The following FAM53A variants were observed in gnomAD, a reference collection of about 807,000 sequenced individuals.
FAM53A encodes the protein family with sequence similarity 53 member A.
A neutral mutation model predicts 26.6 loss-of-function variants in FAM53A; 28 were observed. The observed-to-expected ratio is 1.05, with a 90% CI of 0.78 to 1.45. FAM53A has a LOEUF of 1.45. FAM53A is among the 40% of genes most tolerant of loss of function. The pLI is 0.00. For synonymous variants in FAM53A, 290 were observed against 253.1 expected, an observed-to-expected ratio of 1.15 and a Z score of -1.38; for missense variants, 650 against 575.8, an observed-to-expected ratio of 1.13 and a Z score of -1.32.
At chr4:1,619,331 G>A (rs1183265306) in intron 1 of FAM53A, among the ~76,000 whole-genome samples, 2 of 152,196 alleles carry the variant, frequency 1.3e-5, no homozygotes, top group African/African-American at 4.8e-5. Context: ...GGCGGCCAAC[G>A]ACCCGGCCTC....
the FAM53A span, among the ~76,000 whole-genome samples, chr4:1,579,467 G>A: frequency 6.8e-6 from 1 of 147,948 alleles, no homozygotes; most frequent in Non-Finnish European, 1.5e-5. Context: ...TCCCAGCCCC[G>A]CGTCCTGGGG....
chr4:1,644,258 A>G lies in FAM53A; in HGVS notation c.883-2651T>C, dbSNP rs1226573514. 3 of 1,535,924 alleles carry G rather than the reference A, an allele frequency of 2.0e-6. No homozygotes were observed. The Admixed American group carries it at 5.9e-5, about 30-fold the overall frequency. On this transcript the variant is annotated intron_variant, in intron 4 of 4. Transcript: ENST00000308132. ...TTTTCATTCAGAGTCGACCCTCTGG[A>G]CTGACTGCTCGGACCCGACAGATGC...
intron 3 of FAM53A, 144 bp downstream of exon 3, chr4:1,657,264 A>T: frequency 1.4e-6 from 1 of 714,094 alleles, no homozygotes; most frequent in Non-Finnish European, 2.3e-6. Flanking sequence ...AGCAGGGACC[A>T]CCCCACGCCC....
In FAM53A at chr4:1,659,343, G is replaced by C. The variant is rs371267699; in HGVS notation, c.76-1875C>G. Among the ~76,000 whole-genome samples, 985 of 152,336 alleles carry C rather than the reference G, an allele frequency of 6.5e-3. 11 individuals are homozygous for C. Among genetic ancestry groups the C allele is most frequent in the African/African-American group, 0.022 (926 of 41,566 alleles). ...GATCCTCCCAGCCCCGGGCCTCCCC[G>C]CAGCAAGCACCAGGACCTCGCTCTC... On this transcript the variant is annotated intron_variant, in intron 2 of 4. Transcript: ENST00000308132. This position sits in a 1 kb window ranked among gnomAD's most constrained non-coding sequence, Gnocchi z 5.2.
At position 1,673,070 on chromosome 4, in the gene FAM53A, G is replaced by T. The variant is rs571188445; in HGVS notation, c.-164-4165C>A. Among the ~76,000 whole-genome samples, 5 of 152,224 alleles carry T rather than the reference G, an allele frequency of 3.3e-5. No homozygotes were observed. The South Asian group carries it at 8.3e-4, about 25-fold the overall frequency. ...CAGGTATGTATCACCACCACGCCTG[G>T]CCTGGAACCTGATTATTTAATTCTG... is the stretch of plus-strand genomic sequence containing the variant. On this transcript the variant is annotated intron_variant, in intron 1 of 4. Transcript: ENST00000308132.
chr4:1,578,788 G>C, the FAM53A span, among the ~76,000 whole-genome samples: 1 of 110,436 alleles, frequency 9.1e-6, no homozygotes, highest in East Asian at 3.4e-4. Context: ...GAGAGAAGAG[G>C]GGGAGAGGAG....
the FAM53A span, among the ~76,000 whole-genome samples, chr4:1,608,488 T>C: frequency 6.6e-6 from 1 of 152,204 alleles, no homozygotes; most frequent in Non-Finnish European, 1.5e-5. Flanking sequence ...TCCGTCTTGC[T>C]CTCTGTTGTC....
downstream of FAM53A, among the ~76,000 whole-genome samples, chr4:1,635,105 G>C (rs1049927212): frequency 6.6e-6 from 1 of 151,984 alleles, no homozygotes; most frequent in Non-Finnish European, 1.5e-5. Context: ...TTATAATCCA[G>C]ACTGCATCTC....
At chr4:1,580,788 AC>A in the FAM53A span, among the ~76,000 whole-genome samples, 1 of 6,272 alleles carries the variant, frequency 1.6e-4, no homozygotes, top group African/African-American at 7.2e-4. Context: ...CCCGCCTCCC[AC>A]CCAGGCCCCG....
rs554083112 is a variant in FAM53A at position 1,665,899 on chromosome 4, T to C, written c.75+2768A>G. On this transcript the variant is annotated intron_variant, in intron 2 of 4. Coordinates refer to ENST00000308132, the MANE Select transcript of FAM53A (RefSeq NM_001174070.3). ...CTGTGCTCACAACCCGAGTGCAATA[T>C]AGCCAAGTGACAAACCTGCACCTGC... Among the ~76,000 whole-genome samples, 10 of 151,944 alleles carry C rather than the reference T, an allele frequency of 6.6e-5. No homozygotes were observed. In the East Asian group the frequency reaches 1.4e-3, roughly 21 times the overall value.
chr4:1,606,042 T>TC, the FAM53A span, among the ~76,000 whole-genome samples: 1 of 147,432 alleles, frequency 6.8e-6, no homozygotes, highest in South Asian at 2.2e-4. Context: ...CTATGACTCT[T>TC]TTTTTTTTTT....
chr4:1,641,291 C>A lies in FAM53A; in HGVS notation c.*2G>T. 1 of 1,612,864 alleles carries A rather than the reference C, an allele frequency of 6.2e-7. No homozygotes were observed. The stretch of plus-strand genomic sequence containing the variant: ...CATGGCCCCGACCAGCCCCCACCAG[C>A]CTCAGTTGTTCTCGATCTGCTCCAG... On this transcript the variant is annotated 3_prime_UTR_variant, in exon 5 of 5. Coordinates refer to ENST00000308132, the MANE Select transcript of FAM53A (RefSeq NM_001174070.3).
At chr4:1,642,456 A>T (rs1339105764) in intron 4 of FAM53A, among the ~76,000 whole-genome samples, 1 of 150,758 alleles carries the variant, frequency 6.6e-6, no homozygotes, top group Non-Finnish European at 1.5e-5. Context: ...TATCTCACTC[A>T]GTAGCCTCCC....
At chr4:1,607,456 C>A in the FAM53A span, among the ~76,000 whole-genome samples, 1 of 152,134 alleles carries the variant, frequency 6.6e-6, no homozygotes, top group Non-Finnish European at 1.5e-5. Context: ...CATTCACCCA[C>A]GGCCTTCAAT....
At chr4:1,611,777 G>T in the FAM53A span, among the ~76,000 whole-genome samples, 1 of 152,222 alleles carries the variant, frequency 6.6e-6, no homozygotes, top group East Asian at 1.9e-4. Flanking sequence ...CAGGCTGGAG[G>T]CAGCCCCTCT....
At chr4:1,679,997 T>A (rs1394752216) in intron 1 of FAM53A, among the ~76,000 whole-genome samples, 1 of 139,154 alleles carries the variant, frequency 7.2e-6, no homozygotes, top group African/African-American at 2.7e-5. Flanking sequence ...CGCTCCAGCC[T>A]GAGCGACAGG....
At chr4:1,587,929 C>G in the FAM53A span, among the ~76,000 whole-genome samples, 3,425 of 152,060 alleles carry the variant, frequency 0.023, 122 homozygotes, top group African/African-American at 0.074. Context: ...GGGTAATTCC[C>G]CCTCCCTTTG....
chr4:1,598,494 C>G, the FAM53A span, among the ~76,000 whole-genome samples: 32 of 152,350 alleles, frequency 2.1e-4, 1 homozygote, highest in African/African-American at 7.5e-4. Context: ...GGTAAGACAG[C>G]CACGTTGGCA....
intron 1 of FAM53A, among the ~76,000 whole-genome samples, chr4:1,672,258 C>A (rs1177873992): frequency 3.3e-5 from 5 of 150,248 alleles, no homozygotes; most frequent in Non-Finnish European, 5.9e-5. Context: ...CCCAGGGACC[C>A]ACAGACCCAC....
Sources: gnomAD v4.1 joint callset for allele counts (sites outside exome capture counted in the v4.1 genomes callset) on GRCh38, gnomAD v4.1.1 for gene constraint, Gnocchi (gnomAD v3.1) non-coding constraint, MANE v1.5 for transcripts, NCBI Gene and HGNC (gene_info 2026-07-23, HGNC 2026-07-21) for gene names.